The following C1QTNF5 variants were observed in gnomAD, a reference collection of about 807,000 sequenced individuals.
C1QTNF5 encodes the protein complement C1q tumor necrosis factor-related protein 5.
C1QTNF5 carries 5 observed loss-of-function variants against 10.9 expected under a neutral mutation model. That is an observed-to-expected ratio of 0.46 (90% CI 0.24 to 0.97). The LOEUF is 0.97. Ranked by LOEUF, C1QTNF5 falls within the 50% of genes least tolerant of loss-of-function variation. The pLI is 0.19. For missense variants in C1QTNF5, 281 were observed against 339.4 expected, an observed-to-expected ratio of 0.83 and a Z score of 1.35; for synonymous variants, 161 against 156.5, an observed-to-expected ratio of 1.03 and a Z score of -0.22.
At chr11:119,345,335 G>A (rs1263524692), upstream of C1QTNF5, 5 of 1,387,190 alleles carry the variant, frequency 3.6e-6, no homozygotes, top group Middle Eastern at 2.0e-4. Context: ...TCCTCGGTTA[G>A]CCCTTCTCCC....
upstream of C1QTNF5, chr11:119,343,037 C>A: frequency 1.9e-6 from 3 of 1,572,444 alleles, no homozygotes; most frequent in Non-Finnish European, 1.7e-6. Flanking sequence ...TGGGCACCAG[C>A]CCTGGCTGAC....
rs532493998 is a variant in C1QTNF5 at position 119,340,771 on chromosome 11, C to T, written c.-120G>A. 7.5e-5 allele frequency: 20 copies of T among 265,868 alleles called. No homozygotes were observed. The highest frequency in any genetic ancestry group is 3.4e-4 in the Admixed American group (6 of 17,684). The allele number at this position is 265,868 out of a possible 1,614,324, so 16.5% of individuals were successfully genotyped here. A position where few individuals can be genotyped will look rare whatever the true frequency, so the allele number is the denominator to read the frequency against. ...CCCTCCAGTTGGTGGTGCTCCAGCC[C>T]CCGCGCTTCTCCCCGGCCAGGCGCC... is the stretch of plus-strand genomic sequence containing the variant. On this transcript the variant is annotated 5_prime_UTR_variant, in exon 1 of 3. Transcript: ENST00000528368.
chr11:119,342,187 A>G (rs1023097993), upstream of C1QTNF5, among the ~76,000 whole-genome samples: 1 of 152,222 alleles, frequency 6.6e-6, no homozygotes, highest in Non-Finnish European at 1.5e-5. Flanking sequence ...ATCGCTTGCC[A>G]GCCCTGGGCA....
chr11:119,344,769 C>T (rs1349989569), upstream of C1QTNF5: 5 of 1,613,894 alleles, frequency 3.1e-6, no homozygotes, highest in South Asian at 3.3e-5. Flanking sequence ...TGGATGTGGG[C>T]ACCAGGAGTC....
chr11:119,339,243 AG>A lies in C1QTNF5; in HGVS notation c.*87del, dbSNP rs1358495672. The A allele has an allele frequency of 6.2e-6, 9 of 1,458,084 alleles. No individual in the cohort carries two copies. The East Asian group carries it at 1.6e-4, about 26-fold the overall frequency. 90.3% of individuals were successfully genotyped at this position (1,458,084 alleles called of 1,614,324 possible). A position where few individuals can be genotyped will look rare whatever the true frequency, so the allele number is the denominator to read the frequency against. ...CCTCCCTAGTCATTCACAATATTCCAGGGGGGCCAGCCCTCCTGGATGACCT... is the reference window on the plus strand; with the variant it reads ...CCTCCCTAGTCATTCACAATATTCCAGGGGGCCAGCCCTCCTGGATGACCT... On this transcript the variant is annotated 3_prime_UTR_variant, in exon 3 of 3. Coordinates refer to ENST00000528368, the MANE Select transcript of C1QTNF5 (RefSeq NM_001278431.2). This position sits in a 1 kb window ranked among gnomAD's most constrained non-coding sequence, Gnocchi z 5.4.
At chr11:119,344,824 G>A (rs1296763864), upstream of C1QTNF5, 2 of 1,613,590 alleles carry the variant, frequency 1.2e-6, no homozygotes, top group South Asian at 1.1e-5. Flanking sequence ...CTGGGAGTGG[G>A]TGGAGGGGAA....
At chr11:119,342,591 C>T, upstream of C1QTNF5, 1 of 1,612,870 alleles carries the variant, frequency 6.2e-7, no homozygotes. Context: ...GGGCAGGCTT[C>T]TCACCTGGGG....
chr11:119,342,086 TG>T, upstream of C1QTNF5: 1 of 1,435,762 alleles, frequency 7.0e-7, no homozygotes, highest in Non-Finnish European at 9.6e-7. Flanking sequence ...ATGGGTCCAA[TG>T]GGGGTGGTTG....
chr11:119,344,361 C>T (rs950627332), upstream of C1QTNF5: 2 of 1,613,918 alleles, frequency 1.2e-6, no homozygotes, highest in Middle Eastern at 1.6e-4. Context: ...AGAGAAAGTG[C>T]CCTGGAGGCC....
chr11:119,342,532 G>C (rs1487194905), upstream of C1QTNF5: 2 of 1,596,872 alleles, frequency 1.3e-6, no homozygotes, highest in African/African-American at 1.3e-5. Flanking sequence ...TGTGCAGTAC[G>C]GCAGTAGGGT....
chr11:119,340,292 C>T lies in C1QTNF5; in HGVS notation c.106G>A (p.Gly36Ser). 8 of 1,532,956 alleles carry T rather than the reference C, an allele frequency of 5.2e-6. No homozygotes were observed. The highest frequency in any genetic ancestry group is 6.1e-6 in the Non-Finnish European group (7 of 1,141,378). The allele number at this position is 1,532,956 out of a possible 1,614,324, so 95.0% of individuals were successfully genotyped here. A position where few individuals can be genotyped will look rare whatever the true frequency, so the allele number is the denominator to read the frequency against. The change falls in exon 2 of 3, where the codon GGC (glycine) becomes AGC (serine). Residue 36 changes from glycine to serine, a missense_variant. Transcript: ENST00000528368. The stretch of plus-strand genomic sequence containing the variant: ...TGGCTGCCATGGTGGCCCGGCGTGC[C>T]TGGAAGGCCGGGGTGCCCCGGGCAG... ...SLCPGHPGLP[G>S]TPGHHGSQGL...
At chr11:119,342,717 C>T, upstream of C1QTNF5, 1 of 1,613,644 alleles carries the variant, frequency 6.2e-7, no homozygotes, top group East Asian at 2.2e-5. Flanking sequence ...GCTCACTGGG[C>T]CCACAGGGGT....
At chr11:119,345,392 G>A, upstream of C1QTNF5, 1 of 1,596,824 alleles carries the variant, frequency 6.3e-7, no homozygotes, top group Non-Finnish European at 8.6e-7. Flanking sequence ...AGGACACGGT[G>A]GGATGTCCTG....
chr11:119,343,582 G>A (rs1893176), upstream of C1QTNF5, among the ~76,000 whole-genome samples: 75,072 of 152,006 alleles, frequency 0.49, 19,799 homozygotes, highest in Non-Finnish European at 0.58. Flanking sequence ...CCCTGCCGGT[G>A]GGGAGGAACT....
At chr11:119,346,656 G>T in the C1QTNF5 span, 1 of 805,802 alleles carries the variant, frequency 1.2e-6, no homozygotes, top group Non-Finnish European at 2.1e-6. Flanking sequence ...CCAGTTCTTG[G>T]GCTGTCCTTG....
upstream of C1QTNF5, chr11:119,345,856 GTGGTGGT>G (rs1950559644): frequency 6.2e-7 from 1 of 1,613,764 alleles, no homozygotes; most frequent in African/African-American, 1.3e-5. Context: ...GGTGGGGGTG[GTGGTGGT>G]CGTGGTAAGG....
At chr11:119,345,894 A>C (rs1200861048), upstream of C1QTNF5, 1 of 1,613,486 alleles carries the variant, frequency 6.2e-7, no homozygotes, top group Non-Finnish European at 8.5e-7. Flanking sequence ...GCAGTGGGCT[A>C]TGGGACGCCC....
At chr11:119,345,289 C>T, upstream of C1QTNF5, 3 of 951,056 alleles carry the variant, frequency 3.2e-6, no homozygotes, top group South Asian at 4.7e-5. Flanking sequence ...AAGGTGGTGG[C>T]AGAGCTGGGC....
At position 119,339,362 on chromosome 11, in the gene C1QTNF5, G is replaced by C. The variant is rs767522695; in HGVS notation, c.701C>G (p.Ser234Cys). Residue 234 changes from serine (S) to cysteine (C), a missense_variant, in exon 3 of 3, where the codon TCC (serine) becomes TGC (cysteine). Physicochemically the swap from Ser to Cys is moderately radical, Grantham distance 112. Transcript: ENST00000528368. This position sits in a 1 kb window ranked among gnomAD's most constrained non-coding sequence, Gnocchi z 5.4. The part of the protein sequence containing the change: ...DSTFSGFLVY[S>C]DWHSSPVFA ...AAAGACTGGGGAGCTGTGCCAGTCG[G>C]AGTACACCAGAAATCCGGAGAAGGT... 2.5e-6 allele frequency: 4 copies of C among 1,613,190 alleles called. No homozygotes were observed. The highest frequency in any genetic ancestry group is 3.4e-6 in the Non-Finnish European group (4 of 1,179,418).
Sources: allele counts gnomAD v4.1 joint callset (sites outside exome capture counted in the v4.1 genomes callset), GRCh38; gene constraint gnomAD v4.1.1; non-coding constraint Gnocchi (gnomAD v3.1); transcripts MANE v1.5; gene names NCBI Gene and HGNC (gene_info 2026-07-23, HGNC 2026-07-21).